Variants in AGBL3 observed in about 807,000 individuals in gnomAD.
The protein encoded by AGBL3 is AGBL carboxypeptidase 3, also known as cytosolic carboxypeptidase 3.
Under a neutral mutation model 94.5 loss-of-function variants are expected in AGBL3, and 68 were observed. The ratio of observed to expected loss-of-function variants is 0.72; its 90% CI spans 0.59 to 0.88. The LOEUF (loss-of-function observed/expected upper bound fraction) is 0.88, where lower values mean the gene tolerates loss of function less well. Among genes scored for constraint, AGBL3 ranks in the 40% least tolerant of loss-of-function variants. The pLI is 0.00. For synonymous variants in AGBL3, 354 were observed against 370.7 expected, an observed-to-expected ratio of 0.95 and a Z score of 0.52; for missense variants, 934 against 1,103.8, an observed-to-expected ratio of 0.85 and a Z score of 2.18.
chr7:135,068,352 G>A (rs534564200), intron 12 of AGBL3, among the ~76,000 whole-genome samples: 13 of 151,992 alleles, frequency 8.6e-5, no homozygotes, highest in South Asian at 2.1e-4. Context: ...CTAGCAAGGC[G>A]GGCCAACATT....
In AGBL3 at chr7:135,034,766, G is replaced by A. The variant is rs772728882; in HGVS notation, c.1175G>A (p.Arg392Gln). The A allele has an allele frequency of 8.4e-6, 13 of 1,551,638 alleles. No individual in the cohort carries two copies. The highest frequency in any genetic ancestry group is 3.6e-5 in the South Asian group (3 of 83,962). The change falls in exon 7 of 17, where the codon CGG (arginine) becomes CAG (glutamine). Residue 392 changes from arginine to glutamine, a missense_variant. Coordinates refer to ENST00000436302, the MANE Select transcript of AGBL3 (RefSeq NM_178563.4). ...LGNSSDAQLL[R>Q]DTFVFKVVPM... ...AACTCAAGTGATGCACAGTTGCTTC[G>A]GGACACTTTTGTCTTCAAGGTGGTA...
intron 5 of AGBL3, among the ~76,000 whole-genome samples, chr7:135,024,736 G>C (rs1464380973): frequency 1.3e-5 from 2 of 152,096 alleles, no homozygotes; most frequent in Admixed American, 1.3e-4. Context: ...ACCCAATCTA[G>C]GAATCCAGTA....
At chr7:135,062,029 A>G (rs1455650562) in intron 12 of AGBL3, among the ~76,000 whole-genome samples, 2 of 151,964 alleles carry the variant, frequency 1.3e-5, no homozygotes, top group Non-Finnish European at 2.9e-5. Context: ...ATATCTTTCC[A>G]TTTCTTCATA....
At chr7:135,124,330 T>G (rs1827561806) in intron 16 of AGBL3, among the ~76,000 whole-genome samples, 1 of 151,876 alleles carries the variant, frequency 6.6e-6, no homozygotes, top group South Asian at 2.1e-4. Flanking sequence ...AAGGGAACAA[T>G]TCAACAAGAA....
At chr7:135,013,627 T>C (rs988549159) in intron 4 of AGBL3, among the ~76,000 whole-genome samples, 1 of 151,704 alleles carries the variant, frequency 6.6e-6, no homozygotes. Flanking sequence ...TTGTAGTTGA[T>C]TCCACTGTAT....
chr7:135,131,664 T>G (rs748201657), intron 16 of AGBL3, among the ~76,000 whole-genome samples: 3 of 150,566 alleles, frequency 2.0e-5, no homozygotes, highest in Non-Finnish European at 4.4e-5. Context: ...GAAAAGCAAA[T>G]AAACTCAAAG....
chr7:134,996,894 CAT>C (rs1708773737), intron 4 of AGBL3, among the ~76,000 whole-genome samples: 1 of 152,132 alleles, frequency 6.6e-6, no homozygotes, highest in African/African-American at 2.4e-5. Flanking sequence ...CAAGACAACT[CAT>C]ATTCAATAAT....
intron 9 of AGBL3, 26 bp downstream of exon 9, chr7:135,044,177 G>A (rs2116552854): frequency 6.5e-7 from 1 of 1,534,976 alleles, no homozygotes; most frequent in Non-Finnish European, 8.8e-7. Context: ...CTCATTCACA[G>A]CTCTCAAAGC....
At chr7:135,070,280 G>A (rs529683403) in intron 12 of AGBL3, among the ~76,000 whole-genome samples, 7 of 152,178 alleles carry the variant, frequency 4.6e-5, no homozygotes, top group East Asian at 1.9e-4. Flanking sequence ...ATTCACAGCC[G>A]AATTCTACCA....
At chr7:135,075,683 TTTCCC>T (rs1820379991) in intron 12 of AGBL3, among the ~76,000 whole-genome samples, 1 of 152,210 alleles carries the variant, frequency 6.6e-6, no homozygotes, top group Non-Finnish European at 1.5e-5. Flanking sequence ...GATGTACAAT[TTTCCC>T]TTCCCAAGAA....
chr7:135,123,000 C>T (rs764424698), intron 16 of AGBL3, among the ~76,000 whole-genome samples: 11 of 152,260 alleles, frequency 7.2e-5, no homozygotes, highest in South Asian at 4.1e-4. Flanking sequence ...TCCAAATGAT[C>T]GCAATGTATC....
chr7:135,135,685 CATT>C lies in AGBL3; in HGVS notation c.*426_*428del, dbSNP rs1240970802. The C allele has an allele frequency of 6.5e-6, 1 of 154,574 alleles. No individual in the cohort carries two copies. The highest frequency in any genetic ancestry group is 1.4e-5 in the Non-Finnish European group (1 of 69,656). 9.6% of individuals were successfully genotyped at this position (154,574 alleles called of 1,614,324 possible). A position where few individuals can be genotyped will look rare whatever the true frequency, so the allele number is the denominator to read the frequency against. The stretch of plus-strand genomic sequence containing the variant: ...ATCATTTCCTGATTTTCTGTTATAT[CATT>C]AGTGTGCTAGGAACCATTTCTCTCT... On this transcript the variant is annotated 3_prime_UTR_variant, in exon 17 of 17. Coordinates refer to ENST00000436302, the MANE Select transcript of AGBL3 (RefSeq NM_178563.4).
chr7:135,112,914 A>G (rs1241413460), intron 15 of AGBL3, among the ~76,000 whole-genome samples: 1 of 152,148 alleles, frequency 6.6e-6, no homozygotes. Context: ...AGTAGCTGGG[A>G]TTACAGAACT....
intron 16 of AGBL3, among the ~76,000 whole-genome samples, chr7:135,133,642 A>G (rs565245649): frequency 5.6e-4 from 85 of 152,174 alleles, no homozygotes; most frequent in Non-Finnish European, 1.1e-3. Flanking sequence ...ACTGATTTTG[A>G]TAGGGAATTC....
intron 4 of AGBL3, among the ~76,000 whole-genome samples, chr7:135,001,204 G>A (rs934195433): frequency 1.4e-4 from 22 of 152,050 alleles, no homozygotes; most frequent in African/African-American, 5.1e-4. Context: ...ACCATTTCAT[G>A]GCTAAGTCCT....
Position 135,045,810 on chromosome 7 carries a change from C to A in AGBL3, c.1740C>A (p.Cys580Ter), listed in dbSNP as rs1285234434. 43 of 1,548,118 alleles carry A rather than the reference C, an allele frequency of 2.8e-5. No individual in the cohort carries two copies. In the East Asian group the frequency reaches 1.0e-3, roughly 36 times the overall value. Residue 580 changes from cysteine (C) to a stop codon, truncating the protein, a stop_gained, in exon 11 of 17, where the codon TGC (cysteine) becomes TGA (stop). Coordinates refer to ENST00000436302, the MANE Select transcript of AGBL3 (RefSeq NM_178563.4). LOFTEE classifies it high-confidence loss of function. ...TTACTTTTGCCTAGTATTATCGGTG[C>A]CTGAAAGAATTAGAAGAAATGGAAA... Reference protein sequence around the residue: ...CDPDRTKYYRCLKELEEMERH... With the variant: ...CDPDRTKYYR
chr7:135,081,804 G>T lies in AGBL3; in HGVS notation c.2110+14G>T. The T allele has an allele frequency of 6.7e-7, 1 of 1,497,370 alleles. No homozygotes were observed. The highest frequency in any genetic ancestry group is 2.0e-5 in the Admixed American group (1 of 50,662). The allele number at this position is 1,497,370 out of a possible 1,614,324, so 92.8% of individuals were successfully genotyped here. ...ATCAAGGTTTGGGTGAGTAAAATAG[G>T]AACACAGACAGTAATGAGTGGTCCC... On this transcript the variant is annotated intron_variant, in intron 15 of 16. Transcript: ENST00000436302.
chr7:135,119,081 G>A (rs1474350534), intron 16 of AGBL3, among the ~76,000 whole-genome samples: 1 of 152,072 alleles, frequency 6.6e-6, no homozygotes, highest in Non-Finnish European at 1.5e-5. Flanking sequence ...AAGGACAGGA[G>A]AATGAATATA....
At chr7:135,020,249 G>T (rs1814282741) in intron 5 of AGBL3, among the ~76,000 whole-genome samples, 2 of 152,126 alleles carry the variant, frequency 1.3e-5, no homozygotes, top group Non-Finnish European at 2.9e-5. Flanking sequence ...GTGGGTGAAG[G>T]ATATGAACAG....
Sources: allele counts gnomAD v4.1 joint callset (sites outside exome capture counted in the v4.1 genomes callset), GRCh38; gene constraint gnomAD v4.1.1; transcripts MANE v1.5; gene names NCBI Gene and HGNC (gene_info 2026-07-23, HGNC 2026-07-21).